Variants in CDH13 observed in about 807,000 individuals in gnomAD.
The protein encoded by CDH13 is cadherin-13.
CDH13 carries 24 observed loss-of-function variants against 63.8 expected under a neutral mutation model. The observed-to-expected ratio is 0.38, with a 90% confidence interval of 0.27 to 0.53. The LOEUF (loss-of-function observed/expected upper bound fraction) is 0.53, where lower values mean the gene tolerates loss of function less well. Among genes scored for constraint, CDH13 ranks in the 20% least tolerant of loss-of-function variants. CDH13 has a pLI of 0.85. For synonymous variants in CDH13, 503 were observed against 355.3 expected (o/e 1.42, Z -4.67); for missense variants, 1,049 against 903.1 (o/e 1.16, Z -2.07).
chr16:82,894,932 G>A (rs573360944), intron 2 of CDH13, among the ~76,000 whole-genome samples: 20 of 152,270 alleles, frequency 1.3e-4, no homozygotes, highest in South Asian at 8.3e-4. Flanking sequence ...GCAAGGTGGC[G>A]GATGGGAAAG....
intron 10 of CDH13, among the ~76,000 whole-genome samples, chr16:83,706,079 A>G (rs1337746977): frequency 2.0e-5 from 3 of 152,144 alleles, no homozygotes; most frequent in Admixed American, 6.5e-5. Flanking sequence ...CTGTGCCTCA[A>G]TGTCTGAGGC....
chr16:83,477,238 A>T (rs529799430), intron 6 of CDH13, among the ~76,000 whole-genome samples: 3 of 152,352 alleles, frequency 2.0e-5, no homozygotes, highest in African/African-American at 7.2e-5. Context: ...ACAGATGGAG[A>T]CAGTCATTGC....
intron 8 of CDH13, among the ~76,000 whole-genome samples, chr16:83,625,950 T>C (rs1910255994): frequency 6.6e-6 from 1 of 151,640 alleles, no homozygotes; most frequent in Non-Finnish European, 1.5e-5. Context: ...GGTCTTTCCC[T>C]GGGAGTCCGA....
intron 4 of CDH13, among the ~76,000 whole-genome samples, chr16:83,168,309 A>T (rs1257417103): frequency 6.6e-6 from 1 of 152,124 alleles, no homozygotes; most frequent in East Asian, 1.9e-4. Flanking sequence ...GGACGGTGCC[A>T]TCCATTATAT....
chr16:83,495,874 CAGAG>C (rs918883255), intron 7 of CDH13, among the ~76,000 whole-genome samples: 4 of 152,222 alleles, frequency 2.6e-5, no homozygotes, highest in East Asian at 1.9e-4. Context: ...AACAGACAAA[CAGAG>C]AGCCAAATCA....
intron 10 of CDH13, among the ~76,000 whole-genome samples, chr16:83,697,515 A>G (rs1359674920): frequency 6.6e-6 from 1 of 152,198 alleles, no homozygotes; most frequent in Non-Finnish European, 1.5e-5. Flanking sequence ...CGTGAGTGCA[A>G]TGTTAGTGAT....
At chr16:83,375,810 G>C (rs904996670) in intron 6 of CDH13, among the ~76,000 whole-genome samples, 4 of 152,134 alleles carry the variant, frequency 2.6e-5, no homozygotes, top group Non-Finnish European at 4.4e-5. Flanking sequence ...AAAGAGTAAG[G>C]CTTGATCTGG....
intron 1 of CDH13, among the ~76,000 whole-genome samples, chr16:82,687,743 A>G (rs1373159419): frequency 6.6e-6 from 1 of 152,102 alleles, no homozygotes; most frequent in Non-Finnish European, 1.5e-5. Flanking sequence ...TGGGATAGAT[A>G]TCATTTGGAA....
chr16:83,724,987 G>T (rs1910210563), intron 10 of CDH13, among the ~76,000 whole-genome samples: 1 of 152,162 alleles, frequency 6.6e-6, no homozygotes, highest in Non-Finnish European at 1.5e-5. Flanking sequence ...AGATAGTGGG[G>T]ATATACAGTC....
intron 1 of CDH13, among the ~76,000 whole-genome samples, chr16:82,836,871 AG>A (rs1332068318): frequency 2.0e-5 from 3 of 152,236 alleles, no homozygotes; most frequent in African/African-American, 7.2e-5. Flanking sequence ...TTTTTAGGAC[AG>A]AGTTATTCAG....
At chr16:82,987,699 G>A (rs1317114990) in intron 2 of CDH13, among the ~76,000 whole-genome samples, 1 of 152,082 alleles carries the variant, frequency 6.6e-6, no homozygotes, top group Admixed American at 6.6e-5. Flanking sequence ...GTTTTAAAAG[G>A]CTTCTTTTTA....
chr16:83,592,010 A>G (rs1181598877), intron 7 of CDH13, among the ~76,000 whole-genome samples: 2 of 152,074 alleles, frequency 1.3e-5, no homozygotes, highest in Non-Finnish European at 2.9e-5. Context: ...TCACTGCTTA[A>G]TCTCTTCCGG....
chr16:82,668,741 G>A (rs534289021), intron 1 of CDH13, among the ~76,000 whole-genome samples: 1 of 152,118 alleles, frequency 6.6e-6, no homozygotes, highest in African/African-American at 2.4e-5. Flanking sequence ...TCAGTAACTT[G>A]GGCCTCCTGG....
intron 1 of CDH13, among the ~76,000 whole-genome samples, chr16:82,771,198 C>G (rs192659996): frequency 1.3e-5 from 2 of 152,158 alleles, no homozygotes; most frequent in Non-Finnish European, 2.9e-5. Context: ...TTTAGCTCTT[C>G]CTTTGTGTTC....
At chr16:83,387,819 T>G (rs2091704634) in intron 6 of CDH13, among the ~76,000 whole-genome samples, 2 of 152,210 alleles carry the variant, frequency 1.3e-5, no homozygotes, top group South Asian at 4.1e-4. Context: ...TTCCCCTTGC[T>G]GTCTCTTTCT....
intron 11 of CDH13, among the ~76,000 whole-genome samples, chr16:83,760,909 G>A (rs1913914696): frequency 6.6e-6 from 1 of 152,182 alleles, no homozygotes; most frequent in Non-Finnish European, 1.5e-5. Context: ...ATCCCTGTTT[G>A]CTGATGGGCC....
chr16:82,983,337 C>T (rs151077810), intron 2 of CDH13, among the ~76,000 whole-genome samples: 2,161 of 152,250 alleles, frequency 0.014, 25 homozygotes, highest in Non-Finnish European at 0.023. Flanking sequence ...CATTTTTTCT[C>T]ACCCGGCTGT....
chr16:83,632,349 G>A (rs1283064552), intron 8 of CDH13, among the ~76,000 whole-genome samples: 1 of 152,166 alleles, frequency 6.6e-6, no homozygotes, highest in Non-Finnish European at 1.5e-5. Flanking sequence ...TATTGCACAA[G>A]TTCCTTAGAT....
At chr16:82,691,964 G>A (rs1378282782) in intron 1 of CDH13, among the ~76,000 whole-genome samples, 1 of 152,098 alleles carries the variant, frequency 6.6e-6, no homozygotes, top group African/African-American at 2.4e-5. Flanking sequence ...GATATATGCT[G>A]ACAGTTAGGA....
Sources: allele counts gnomAD v4.1 joint callset (sites outside exome capture counted in the v4.1 genomes callset), GRCh38; gene constraint gnomAD v4.1.1; transcripts MANE v1.5; gene names NCBI Gene and HGNC (gene_info 2026-07-23, HGNC 2026-07-21).